Variants in SULT1E1 observed in about 807,000 individuals in gnomAD.
SULT1E1 encodes sulfotransferase family 1E member 1, also known as sulfotransferase 1E1.
A neutral mutation model predicts 33.6 loss-of-function variants in SULT1E1; 36 were observed. That is an observed-to-expected ratio of 1.07 (90% CI 0.82 to 1.41). The LOEUF (loss-of-function observed/expected upper bound fraction) is 1.41, where lower values mean the gene tolerates loss of function less well. Ranked by LOEUF, SULT1E1 falls within the 40% of genes most tolerant of loss-of-function variation. The pLI is 0.00. For synonymous variants in SULT1E1, 121 were observed against 111.7 expected (o/e 1.08, Z -0.53); for missense variants, 371 against 345.7 (o/e 1.07, Z -0.58).
chr4:69,825,102 C>T, the SULT1E1 span, among the ~76,000 whole-genome samples: 29 of 151,868 alleles, frequency 1.9e-4, no homozygotes, highest in South Asian at 1.0e-3. Flanking sequence ...ACACTCACTG[C>T]GAAGGTCTGT....
chr4:69,831,383 A>G, the SULT1E1 span, among the ~76,000 whole-genome samples: 2 of 152,096 alleles, frequency 1.3e-5, no homozygotes, highest in African/African-American at 2.4e-5. Flanking sequence ...GGTCAGTTTT[A>G]TATAATATTG....
chr4:69,843,724 C>T (rs1318345584), intron 7 of SULT1E1, among the ~76,000 whole-genome samples: 9 of 152,140 alleles, frequency 5.9e-5, no homozygotes, highest in Admixed American at 3.3e-4. Context: ...GCCACTTACC[C>T]TTGAAAGGTG....
chr4:69,830,774 C>T, the SULT1E1 span, among the ~76,000 whole-genome samples: 1 of 152,178 alleles, frequency 6.6e-6, no homozygotes, highest in Non-Finnish European at 1.5e-5. Flanking sequence ...TCCAATCTGG[C>T]CAGGTTGGAT....
chr4:69,859,485 T>C (rs1721320427), intron 1 of SULT1E1, among the ~76,000 whole-genome samples: 1 of 152,244 alleles, frequency 6.6e-6, no homozygotes, highest in South Asian at 2.1e-4. Flanking sequence ...TGACACAAAG[T>C]AGATGTTCAG....
In SULT1E1 at chr4:69,854,295, C is replaced by G. The variant is rs1721188260; in HGVS notation, c.291G>C (p.Glu97Asp). 1 of 1,608,740 alleles carries G rather than the reference C, an allele frequency of 6.2e-7. No individual in the cohort carries two copies. Among genetic ancestry groups the G allele is most frequent in the Non-Finnish European group, 8.5e-7 (1 of 1,176,878 alleles). The part of the protein sequence containing the change: ...NLMNGVKQLD[E>D]MNSPRIVKTH... ...TCTTCACAATTCTAGGAGAATTCAT[C>G]TCATCTAATTGTTTTACTCCTGATT... Residue 97 changes from glutamate (E) to aspartate (D), a missense_variant, in exon 4 of 8, where the codon GAG becomes GAC. By Grantham distance (45) the Glu-to-Asp change is conservative. Coordinates refer to ENST00000226444, the MANE Select transcript of SULT1E1 (RefSeq NM_005420.3).
At position 69,849,479 on chromosome 4, in the gene SULT1E1, C is replaced by A; in HGVS notation, c.454G>T (p.Gly152Ter). The A allele has an allele frequency of 6.2e-7, 1 of 1,611,526 alleles. No individual in the cohort carries two copies. The highest frequency in any genetic ancestry group is 8.5e-7 in the Non-Finnish European group (1 of 1,178,126). ...FLMVAGHPNP[G>*]SFPEFVEKFM... ...TTCTCCACAAACTCTGGAAAGGATC[C>A]AGGATTTGGATGACCAGCCACCATT... Residue 152 changes from glycine (G) to a stop codon, truncating the protein, a stop_gained, in exon 5 of 8, where the codon GGA becomes TGA. Transcript: ENST00000226444. LOFTEE classifies it high-confidence loss of function.
intron 3 of SULT1E1, among the ~76,000 whole-genome samples, chr4:69,854,549 T>A (rs775252531): frequency 6.6e-6 from 1 of 152,048 alleles, no homozygotes; most frequent in African/African-American, 2.4e-5. Context: ...TATTTACATC[T>A]AATATATATT....
chr4:69,857,619 T>C lies in SULT1E1; in HGVS notation c.26A>G (p.Glu9Gly), dbSNP rs760568556. 4 of 1,605,234 alleles carry C rather than the reference T, an allele frequency of 2.5e-6. No homozygotes were observed. Among genetic ancestry groups the C allele is most frequent in the Non-Finnish European group, 2.5e-6 (3 of 1,177,490 alleles). The change falls in exon 2 of 8, where the codon GAA (glutamate) becomes GGA (glycine). Residue 9 changes from glutamate (E) to glycine (G), a missense_variant. Coordinates refer to ENST00000226444, the MANE Select transcript of SULT1E1 (RefSeq NM_005420.3). The part of the protein sequence containing the change: MNSELDYY[E>G]KFEEVHGILM... ...AATCCCATGGACTTCTTCAAACTTTTCATAATAGTCAAGTTCAGAATTCAT... is the reference window on the plus strand; with the variant it reads ...AATCCCATGGACTTCTTCAAACTTTCCATAATAGTCAAGTTCAGAATTCAT...
At chr4:69,838,778 A>G (rs1720834985), downstream of SULT1E1, among the ~76,000 whole-genome samples, 1 of 152,096 alleles carries the variant, frequency 6.6e-6, no homozygotes, top group Non-Finnish European at 1.5e-5. Context: ...TTAGTTATAT[A>G]CAAAAGGGGA....
rs1232137307 is a variant in SULT1E1, at chr4:69,857,504, T to C, written c.141A>G (p.Lys47=). The C allele has an allele frequency of 6.3e-7, 1 of 1,596,794 alleles. No individual in the cohort carries two copies. Among genetic ancestry groups the C allele is most frequent in the East Asian group, 2.2e-5 (1 of 44,772 alleles). Residue 47 remains lysine (K), a synonymous_variant, in exon 2 of 8, where the codon AAA becomes AAG. Coordinates refer to ENST00000226444, the MANE Select transcript of SULT1E1 (RefSeq NM_005420.3). The stretch of plus-strand genomic sequence containing the variant: ...AAGAACAACAAAGAGATTTACCAGA[T>C]TTAGGGTAGGTGGCAATGACAAGAT... The part of the protein sequence containing the change: ...PDDLVIATYP[K]SGTTWVSEIV...
chr4:69,855,544 T>C, intron 2 of SULT1E1, 118 bp from the exon 3 acceptor site: 1 of 916,764 alleles, frequency 1.1e-6, no homozygotes. Context: ...TTAAAGGGTG[T>C]CTGAATAGCC....
At chr4:69,837,796 G>T (rs181931323), downstream of SULT1E1, among the ~76,000 whole-genome samples, 6 of 152,248 alleles carry the variant, frequency 3.9e-5, no homozygotes, top group Non-Finnish European at 5.9e-5. Flanking sequence ...CTCCCAAAGT[G>T]CTGGGATTAC....
intron 2 of SULT1E1, among the ~76,000 whole-genome samples, chr4:69,856,354 A>G (rs983891305): frequency 6.6e-6 from 1 of 152,220 alleles, no homozygotes; most frequent in Non-Finnish European, 1.5e-5. Context: ...CAGAAGAGCA[A>G]GATTATCAGG....
intron 4 of SULT1E1, among the ~76,000 whole-genome samples, chr4:69,850,913 AT>A (rs1326734940): frequency 2.0e-5 from 3 of 151,924 alleles, no homozygotes; most frequent in African/African-American, 7.2e-5. Flanking sequence ...GTACATGCTC[AT>A]TTTTTTGTCC....
chr4:69,825,711 G>A, the SULT1E1 span, among the ~76,000 whole-genome samples: 84 of 152,036 alleles, frequency 5.5e-4, no homozygotes, highest in Middle Eastern at 0.014. Context: ...CCGGGGTCCC[G>A]ACAACAAGTC....
At chr4:69,856,973 G>A (rs969974099) in intron 2 of SULT1E1, among the ~76,000 whole-genome samples, 3 of 147,756 alleles carry the variant, frequency 2.0e-5, no homozygotes, top group African/African-American at 7.4e-5. Flanking sequence ...ATAACTAAGG[G>A]CATACTTAGT....
the SULT1E1 span, among the ~76,000 whole-genome samples, chr4:69,835,264 G>A: frequency 3.3e-5 from 5 of 152,096 alleles, no homozygotes; most frequent in Non-Finnish European, 7.4e-5. Context: ...AAAGCATCCT[G>A]TTGTCATGCT....
downstream of SULT1E1, among the ~76,000 whole-genome samples, chr4:69,840,377 A>T (rs1215659930): frequency 6.6e-6 from 1 of 152,192 alleles, no homozygotes; most frequent in African/African-American, 2.4e-5. Context: ...ACCCTAAGTA[A>T]ATATGTAATG....
intron 1 of SULT1E1, 144 bp from the exon 2 acceptor site, chr4:69,857,797 A>C (rs1721276623): frequency 3.2e-6 from 2 of 625,652 alleles, no homozygotes; most frequent in African/African-American, 1.9e-5. Context: ...AAAGTTGCAT[A>C]TCAAATAGTT....
Sources: gnomAD v4.1 joint callset for allele counts (sites outside exome capture counted in the v4.1 genomes callset) on GRCh38, gnomAD v4.1.1 for gene constraint, MANE v1.5 for transcripts, NCBI Gene and HGNC (gene_info 2026-07-23, HGNC 2026-07-21) for gene names.